The following ADK variants were observed in gnomAD, a reference collection of about 807,000 sequenced individuals.
ADK encodes the protein adenosine kinase, also known as N6,N6-dimethyladenosine kinase.
Under a neutral mutation model 44.7 loss-of-function variants are expected in ADK, and 24 were observed. The ratio of observed to expected loss-of-function variants is 0.54; its 90% CI spans 0.39 to 0.76. ADK has a LOEUF of 0.76. Ranked by LOEUF, ADK falls within the 30% of genes least tolerant of loss-of-function variation. ADK has a pLI of 0.00. For synonymous variants in ADK, 128 were observed against 142.6 expected, an observed-to-expected ratio of 0.90 and a Z score of 0.73; for missense variants, 321 against 425.1, an observed-to-expected ratio of 0.76 and a Z score of 2.15.
chr10:74,469,990 G>T, intron 6 of ADK, among the ~76,000 whole-genome samples: 1 of 149,472 alleles, frequency 6.7e-6, no homozygotes, highest in Non-Finnish European at 1.5e-5. Context: ...CTTTTTTTTA[G>T]GCCAAGTAAT....
chr10:74,303,601 T>TTTTTTTTTTTG (rs2132531048), intron 3 of ADK, among the ~76,000 whole-genome samples: 1 of 134,382 alleles, frequency 7.4e-6, no homozygotes, highest in African/African-American at 2.9e-5. Flanking sequence ...TTTTTTTTTT[T>TTTTTTTTTTTG]TTTTTTTTTT....
intron 3 of ADK, among the ~76,000 whole-genome samples, chr10:74,281,011 A>G (rs1846913160): frequency 6.6e-6 from 1 of 152,252 alleles, no homozygotes; most frequent in South Asian, 2.1e-4. Flanking sequence ...AAGTATCCAT[A>G]ATTTGAAAAT....
At chr10:74,485,841 T>C (rs1203731181) in intron 6 of ADK, among the ~76,000 whole-genome samples, 1 of 152,200 alleles carries the variant, frequency 6.6e-6, no homozygotes, top group Non-Finnish European at 1.5e-5. Context: ...ACTGTAAAGA[T>C]GCAATATTTG....
intron 4 of ADK, among the ~76,000 whole-genome samples, chr10:74,323,130 A>G (rs1840875644): frequency 6.6e-6 from 1 of 152,222 alleles, no homozygotes; most frequent in African/African-American, 2.4e-5. Context: ...GAAATACTAC[A>G]AGCAGTGGGA....
At chr10:74,602,081 G>C (rs1004501167) in intron 9 of ADK, among the ~76,000 whole-genome samples, 1 of 120,050 alleles carries the variant, frequency 8.3e-6, no homozygotes, top group Non-Finnish European at 1.6e-5. Context: ...CCCCAGCATG[G>C]ATGACAGACC....
intron 4 of ADK, among the ~76,000 whole-genome samples, chr10:74,385,812 A>G (rs1564691057): frequency 6.6e-6 from 1 of 152,184 alleles, no homozygotes; most frequent in South Asian, 2.1e-4. Flanking sequence ...ATCTGAGTCT[A>G]AAGTTTATTT....
chr10:74,355,069 C>T (rs1003954939), intron 4 of ADK, among the ~76,000 whole-genome samples: 10 of 152,116 alleles, frequency 6.6e-5, no homozygotes, highest in Admixed American at 6.5e-4. Flanking sequence ...GCTCTGTCTC[C>T]TCCTGTCTTG....
chr10:74,605,626 T>A (rs1852296360), intron 9 of ADK, among the ~76,000 whole-genome samples: 1 of 152,220 alleles, frequency 6.6e-6, no homozygotes, highest in Non-Finnish European at 1.5e-5. Flanking sequence ...CTTTTTGATG[T>A]GCTTCTGGAT....
chr10:74,287,638 T>C (rs1239424622), intron 3 of ADK, among the ~76,000 whole-genome samples: 1 of 152,134 alleles, frequency 6.6e-6, no homozygotes, highest in Non-Finnish European at 1.5e-5. Flanking sequence ...AACATATCAG[T>C]GTTATTAACT....
intron 3 of ADK, among the ~76,000 whole-genome samples, chr10:74,300,817 C>A (rs946179348): frequency 6.6e-6 from 1 of 152,210 alleles, no homozygotes; most frequent in Non-Finnish European, 1.5e-5. Flanking sequence ...CCCATTCTGT[C>A]AAAAGTTAAA....
At chr10:74,164,555 C>CT (rs563014316) in intron 1 of ADK, among the ~76,000 whole-genome samples, 7 of 150,684 alleles carry the variant, frequency 4.6e-5, no homozygotes, top group East Asian at 1.9e-4. Context: ...AAAATTTGTC[C>CT]TTTTTTTTTG....
At chr10:74,286,205 A>C (rs550167292) in intron 3 of ADK, among the ~76,000 whole-genome samples, 3 of 152,124 alleles carry the variant, frequency 2.0e-5, no homozygotes, top group Admixed American at 6.5e-5. Flanking sequence ...AGTGTGTGCC[A>C]CCACACCTGG....
chr10:74,472,454 G>A (rs1172417823), intron 6 of ADK, among the ~76,000 whole-genome samples: 1 of 151,938 alleles, frequency 6.6e-6, no homozygotes, highest in Admixed American at 6.6e-5. Context: ...CTTTCTGTAA[G>A]TCATTTTCCT....
chr10:74,524,886 CTGTT>C (rs1328487525), intron 6 of ADK, among the ~76,000 whole-genome samples: 5 of 152,144 alleles, frequency 3.3e-5, no homozygotes, highest in Non-Finnish European at 7.3e-5. Flanking sequence ...ATATTCCAAA[CTGTT>C]TGTAAGAAGC....
intron 9 of ADK, among the ~76,000 whole-genome samples, chr10:74,649,531 G>A (rs1854183848): frequency 6.6e-6 from 1 of 151,968 alleles, no homozygotes; most frequent in African/African-American, 2.4e-5. Context: ...AGGCTGAGGT[G>A]GGAGGACCAC....
intron 9 of ADK, among the ~76,000 whole-genome samples, chr10:74,646,015 C>T (rs1854042265): frequency 6.6e-6 from 1 of 152,120 alleles, no homozygotes; most frequent in Non-Finnish European, 1.5e-5. Flanking sequence ...GAATGGAAGG[C>T]AGTAAACAGC....
intron 6 of ADK, among the ~76,000 whole-genome samples, chr10:74,432,609 A>G (rs566691965): frequency 8.5e-5 from 13 of 152,280 alleles, no homozygotes; most frequent in African/African-American, 2.2e-4. Context: ...TTCCATGCAT[A>G]CAATTCAATT....
Position 74,232,551 on chromosome 10 carries a change from C to G in ADK, c.194+7960C>G, listed in dbSNP as rs1285574635. ...AACAAACAAACAACCCCCCCGCACC[C>G]CCCCCCCCCAAAAAAAAACAAACAG... On this transcript the variant is annotated intron_variant, in intron 3 of 10. Transcript: ENST00000539909. Among the ~76,000 whole-genome samples, 13 of 103,336 alleles carry G rather than the reference C, an allele frequency of 1.3e-4. No homozygotes were observed. The East Asian group carries it at 3.0e-3, about 24-fold the overall frequency. The allele number at this position is 103,336 out of a possible 152,430, so 67.8% of individuals were successfully genotyped here. A position where few individuals can be genotyped will look rare whatever the true frequency, so the allele number is the denominator to read the frequency against.
intron 4 of ADK, among the ~76,000 whole-genome samples, chr10:74,361,881 C>T (rs191466879): frequency 6.6e-6 from 1 of 152,330 alleles, no homozygotes; most frequent in Admixed American, 6.5e-5. Context: ...CAAATATATT[C>T]TTCCACATTT....
Sources: gnomAD v4.1 joint callset for allele counts (sites outside exome capture counted in the v4.1 genomes callset) on GRCh38, gnomAD v4.1.1 for gene constraint, MANE v1.5 for transcripts, NCBI Gene and HGNC (gene_info 2026-07-23, HGNC 2026-07-21) for gene names.